The following SYCP2L variants were observed in gnomAD, a reference collection of about 807,000 sequenced individuals.
SYCP2L encodes the protein synaptonemal complex protein 2-like.
Under a neutral mutation model 125.8 loss-of-function variants are expected in SYCP2L, and 98 were observed. That is an observed-to-expected ratio of 0.78 (90% CI 0.66 to 0.92). The LOEUF (loss-of-function observed/expected upper bound fraction) is 0.92, where lower values mean the gene tolerates loss of function less well. Ranked by LOEUF, SYCP2L falls within the 40% of genes least tolerant of loss-of-function variation. SYCP2L has a pLI of 0.00. For synonymous variants in SYCP2L, 317 were observed against 325.4 expected (o/e 0.97, Z 0.28); for missense variants, 842 against 936.4 (o/e 0.90, Z 1.32).
At chr6:10,944,094 G>A (rs1781269840) in intron 23 of SYCP2L, among the ~76,000 whole-genome samples, 1 of 152,126 alleles carries the variant, frequency 6.6e-6, no homozygotes. Flanking sequence ...TATAAAATAT[G>A]TATACCTTTA....
chr6:10,922,465 CTT>C (rs1205724403), intron 14 of SYCP2L, among the ~76,000 whole-genome samples: 10 of 135,626 alleles, frequency 7.4e-5, no homozygotes, highest in Non-Finnish European at 1.1e-4. Context: ...TAGCTAGTTA[CTT>C]TTTTTTTTTT....
At chr6:10,902,798 C>T (rs1780401956) in intron 7 of SYCP2L, 36 bp downstream of exon 7, 1 of 1,610,352 alleles carries the variant, frequency 6.2e-7, no homozygotes. Flanking sequence ...AATAGTGGTT[C>T]CAGAAACCTA....
chr6:10,912,786 G>A lies in SYCP2L; in HGVS notation c.1011+21G>A, dbSNP rs753167416. 3 of 1,610,090 alleles carry A rather than the reference G, an allele frequency of 1.9e-6. No homozygotes were observed. The highest frequency in any genetic ancestry group is 4.5e-5 in the East Asian group (2 of 44,804). On this transcript the variant is annotated intron_variant, in intron 13 of 29. Transcript: ENST00000283141. The surrounding 1 kb of genome is among the most constrained non-coding windows in gnomAD (Gnocchi z 4.1). ...CTGAGGTAATGATGTTCGATTCTTGGTTAGAACTAAGCCTTTAGAGATCTT... is the reference window on the plus strand; with the variant it reads ...CTGAGGTAATGATGTTCGATTCTTGATTAGAACTAAGCCTTTAGAGATCTT...
At chr6:10,962,549 T>A (rs970165145) in intron 28 of SYCP2L, among the ~76,000 whole-genome samples, 3 of 152,204 alleles carry the variant, frequency 2.0e-5, no homozygotes, top group Admixed American at 2.0e-4. Flanking sequence ...TTATTGAGGA[T>A]CCCCAAAGAC....
chr6:10,916,059 C>T (rs762168181), intron 14 of SYCP2L, among the ~76,000 whole-genome samples: 2 of 152,108 alleles, frequency 1.3e-5, no homozygotes, highest in Non-Finnish European at 2.9e-5. Flanking sequence ...AGGGTTGTAT[C>T]TTTCCAGAAA....
chr6:10,912,996 A>G lies in SYCP2L; in HGVS notation c.1072+69A>G. On this transcript the variant is annotated intron_variant, in intron 14 of 29. Transcript: ENST00000283141. The surrounding 1 kb of genome is among the most constrained non-coding windows in gnomAD (Gnocchi z 4.1). ...TATTTCTGTTGTATATGCAGTGTGT[A>G]TTTATTTAATTCTAGGGCATATTTT... The G allele has an allele frequency of 1.4e-6, 2 of 1,423,278 alleles. No homozygotes were observed. The highest frequency in any genetic ancestry group is 1.2e-5 in the South Asian group (1 of 82,856). The allele number at this position is 1,423,278 out of a possible 1,614,324, so 88.2% of individuals were successfully genotyped here. A position where few individuals can be genotyped will look rare whatever the true frequency, so the allele number is the denominator to read the frequency against.
At chr6:10,931,301 G>A in intron 19 of SYCP2L, 139 bp from the exon 20 acceptor site, 3 of 754,470 alleles carry the variant, frequency 4.0e-6, no homozygotes. Flanking sequence ...ATCAGGAAAG[G>A]ATCTTAAGAG....
At chr6:10,904,573 A>G (rs1197183485) in intron 8 of SYCP2L, among the ~76,000 whole-genome samples, 1 of 152,224 alleles carries the variant, frequency 6.6e-6, no homozygotes, top group Non-Finnish European at 1.5e-5. Flanking sequence ...TTTGGAGAGC[A>G]GCTGATCTCA....
At chr6:10,971,653 C>T (rs72653721) in intron 29 of SYCP2L, among the ~76,000 whole-genome samples, 29,205 of 151,836 alleles carry the variant, frequency 0.19, 3,393 homozygotes, top group East Asian at 0.42. Context: ...AGAATATATA[C>T]AAATATTTAC....
At chr6:10,891,763 T>TAC (rs1554104167) in intron 2 of SYCP2L, among the ~76,000 whole-genome samples, 182 bp downstream of exon 2, 1 of 9,740 alleles carries the variant, frequency 1.0e-4, no homozygotes, top group African/African-American at 1.1e-4. Context: ...AGAGAAATCT[T>TAC]TACTTCTCCT....
chr6:10,907,492 T>C, intron 9 of SYCP2L, 50 bp from the exon 10 acceptor site: 1 of 1,543,548 alleles, frequency 6.5e-7, no homozygotes, highest in Non-Finnish European at 8.7e-7. Flanking sequence ...CATTTTTTCT[T>C]TTGCTTTGTG....
chr6:10,936,596 C>A (rs964647793), intron 21 of SYCP2L, among the ~76,000 whole-genome samples: 2 of 152,110 alleles, frequency 1.3e-5, no homozygotes, highest in Non-Finnish European at 2.9e-5. Flanking sequence ...TAAGTTTTTA[C>A]CTATCAATAA....
At chr6:10,900,786 G>GC (rs886890517) in intron 6 of SYCP2L, among the ~76,000 whole-genome samples, 3 of 150,216 alleles carry the variant, frequency 2.0e-5, no homozygotes, top group Non-Finnish European at 4.4e-5. Flanking sequence ...TATGAATTTC[G>GC]GGGGGGGACA....
At chr6:10,967,456 T>G (rs9393817) in intron 29 of SYCP2L, among the ~76,000 whole-genome samples, 197 of 51,910 alleles carry the variant, frequency 3.8e-3, no homozygotes, top group South Asian at 0.011. Flanking sequence ...GGGTAGAGGG[T>G]GTGTGTGTGT....
chr6:10,918,821 A>G (rs1780737655), intron 14 of SYCP2L, among the ~76,000 whole-genome samples: 1 of 152,228 alleles, frequency 6.6e-6, no homozygotes, highest in Non-Finnish European at 1.5e-5. Flanking sequence ...GGCGTGAGCT[A>G]CCATGCCCGG....
intron 14 of SYCP2L, among the ~76,000 whole-genome samples, chr6:10,915,320 C>T (rs1281959356): frequency 6.6e-6 from 1 of 152,146 alleles, no homozygotes; most frequent in Non-Finnish European, 1.5e-5. Flanking sequence ...ATTTCTGTCT[C>T]TTGTCTGATT....
At chr6:10,961,228 A>T in intron 26 of SYCP2L, 77 bp from the exon 27 acceptor site, 1 of 1,148,604 alleles carries the variant, frequency 8.7e-7, no homozygotes, top group South Asian at 1.3e-5. Context: ...TATCCTTGTA[A>T]TCAGATGACT....
chr6:10,972,567 A>G (rs1257441825), intron 29 of SYCP2L, among the ~76,000 whole-genome samples: 1 of 152,214 alleles, frequency 6.6e-6, no homozygotes, highest in African/African-American at 2.4e-5. Flanking sequence ...TGACTTGGGA[A>G]TTTTATAATC....
chr6:10,949,472 C>T (rs1454620496), intron 23 of SYCP2L, among the ~76,000 whole-genome samples: 1 of 152,124 alleles, frequency 6.6e-6, no homozygotes, highest in Non-Finnish European at 1.5e-5. Context: ...TGTACAATAT[C>T]TTTCCTTTAG....
Sources: gnomAD v4.1 joint callset for allele counts (sites outside exome capture counted in the v4.1 genomes callset) on GRCh38, gnomAD v4.1.1 for gene constraint, Gnocchi (gnomAD v3.1) non-coding constraint, MANE v1.5 for transcripts, NCBI Gene and HGNC (gene_info 2026-07-23, HGNC 2026-07-21) for gene names.